MALRD1: variants seen among roughly 807,000 people sequenced by gnomAD.
MALRD1 encodes MAM and LDL receptor class A domain containing 1.
MALRD1 carries 247 observed loss-of-function variants against 242.1 expected under a neutral mutation model. That is an observed-to-expected ratio of 1.02 (90% CI 0.92 to 1.13). The LOEUF (loss-of-function observed/expected upper bound fraction) is 1.13, where lower values mean the gene tolerates loss of function less well. Ranked by LOEUF, MALRD1 falls within the 50% of genes most tolerant of loss-of-function variation. The pLI is 0.00. For synonymous variants in MALRD1, 995 were observed against 866.6 expected, an observed-to-expected ratio of 1.15 and a Z score of -2.60; for missense variants, 2,989 against 2,533.1, an observed-to-expected ratio of 1.18 and a Z score of -3.86.
chr10:19,698,006 T>C (rs768466265), intron 38 of MALRD1, among the ~76,000 whole-genome samples: 2 of 152,192 alleles, frequency 1.3e-5, no homozygotes, highest in Admixed American at 6.5e-5. Flanking sequence ...TTAAGTGACA[T>C]CTAGATGTAA....
intron 28 of MALRD1, among the ~76,000 whole-genome samples, chr10:19,393,664 G>C (rs1240279132): frequency 6.8e-6 from 1 of 148,038 alleles, no homozygotes; most frequent in Non-Finnish European, 1.5e-5. Context: ...CACCATGTTA[G>C]CCAGGATGGT....
At position 19,117,446 on chromosome 10, in the gene MALRD1, G is replaced by GTT. The variant is rs57094687; in HGVS notation, c.695-6036_695-6035dup. 3.3e-4 allele frequency among the ~76,000 whole-genome samples: 47 copies of GTT among 144,192 alleles called. No homozygotes were observed. In the East Asian group the frequency reaches 4.0e-3, roughly 12 times the overall value. 94.6% of individuals were successfully genotyped at this position (144,192 alleles called of 152,430 possible). A position where few individuals can be genotyped will look rare whatever the true frequency, so the allele number is the denominator to read the frequency against. On this transcript the variant is annotated intron_variant, in intron 5 of 39. Transcript: ENST00000454679. ...CTATTTTTGTTTATAGTACTTCTGG[G>GTT]TTTTTTTTTTTGTCTTGTGTAAATA...
chr10:19,477,904 C>G (rs1453398595), intron 29 of MALRD1, among the ~76,000 whole-genome samples: 3 of 152,164 alleles, frequency 2.0e-5, no homozygotes, highest in Non-Finnish European at 4.4e-5. Flanking sequence ...ACATGGTTGA[C>G]AAAAGGGAAG....
At chr10:19,390,133 A>C (rs1310892132) in intron 28 of MALRD1, among the ~76,000 whole-genome samples, 1 of 152,228 alleles carries the variant, frequency 6.6e-6, no homozygotes, top group Non-Finnish European at 1.5e-5. Context: ...ACTGAATCCC[A>C]GAGACTCATT....
intron 38 of MALRD1, among the ~76,000 whole-genome samples, chr10:19,709,937 A>G (rs1221618425): frequency 6.6e-6 from 1 of 152,182 alleles, no homozygotes; most frequent in African/African-American, 2.4e-5. Flanking sequence ...TGCGTCTTGC[A>G]TCTTCCCTAA....
At chr10:19,666,599 T>G (rs1841694499) in intron 36 of MALRD1, among the ~76,000 whole-genome samples, 1 of 152,204 alleles carries the variant, frequency 6.6e-6, no homozygotes, top group Non-Finnish European at 1.5e-5. Flanking sequence ...CTTGGGAATA[T>G]TGCCAATTTC....
chr10:19,145,845 G>T (rs1375750728), intron 10 of MALRD1, among the ~76,000 whole-genome samples: 1 of 151,862 alleles, frequency 6.6e-6, no homozygotes, highest in Non-Finnish European at 1.5e-5. Context: ...CTTCCCAGTG[G>T]ATTTTTTTCA....
At position 19,245,198 on chromosome 10, in the gene MALRD1, A is replaced by G. The variant is rs376787638; in HGVS notation, c.2992-12486A>G. Among the ~76,000 whole-genome samples the G allele has an allele frequency of 5.3e-4, 81 of 152,318 alleles. 2 individuals are homozygous for G. Among genetic ancestry groups the G allele is most frequent in the African/African-American group, 1.9e-3 (80 of 41,572 alleles). On this transcript the variant is annotated intron_variant, in intron 18 of 39. Coordinates refer to ENST00000454679, the MANE Select transcript of MALRD1 (RefSeq NM_001142308.3). ...TGAGCTTATGCACTGAGAGTTCACA[A>G]TGAGATGCAGCATTATTTTTAACTA...
intron 2 of MALRD1, among the ~76,000 whole-genome samples, chr10:19,070,573 A>G (rs1453803729): frequency 6.6e-6 from 1 of 152,018 alleles, no homozygotes; most frequent in Non-Finnish European, 1.5e-5. Context: ...CTTTTCATCC[A>G]TTTTAAGAAT....
chr10:19,225,878 A>G (rs565531736), intron 18 of MALRD1, among the ~76,000 whole-genome samples: 1 of 152,274 alleles, frequency 6.6e-6, no homozygotes, highest in Non-Finnish European at 1.5e-5. Flanking sequence ...ATGTGATTAT[A>G]TTTGAAAATT....
At chr10:19,514,920 T>C (rs1271972197) in intron 31 of MALRD1, among the ~76,000 whole-genome samples, 1 of 152,146 alleles carries the variant, frequency 6.6e-6, no homozygotes, top group Non-Finnish European at 1.5e-5. Context: ...ATGCTTATTT[T>C]TTTGGAAGAC....
At chr10:19,219,310 A>C (rs1233694310) in intron 18 of MALRD1, among the ~76,000 whole-genome samples, 1 of 152,228 alleles carries the variant, frequency 6.6e-6, no homozygotes, top group Non-Finnish European at 1.5e-5. Context: ...ATACTAATGC[A>C]ATAATATACC....
chr10:19,062,626 T>C (rs12258153), intron 1 of MALRD1, among the ~76,000 whole-genome samples: 3,448 of 152,264 alleles, frequency 0.023, 119 homozygotes, highest in African/African-American at 0.079. Flanking sequence ...GCAACTCACA[T>C]ACACACAGAA....
intron 36 of MALRD1, among the ~76,000 whole-genome samples, chr10:19,624,855 A>G (rs2182591): frequency 0.11 from 16,665 of 146,508 alleles, 2,522 homozygotes; most frequent in African/African-American, 0.35. Flanking sequence ...CCTGGGTGAC[A>G]GAGGGAGACT....
chr10:19,268,938 G>T (rs547175974), intron 19 of MALRD1, among the ~76,000 whole-genome samples: 18 of 152,126 alleles, frequency 1.2e-4, no homozygotes, highest in African/African-American at 4.3e-4. Context: ...CAGGTAGTTT[G>T]GTTCCCCTGT....
chr10:19,077,633 A>G (rs999438530), intron 2 of MALRD1, among the ~76,000 whole-genome samples: 5 of 151,910 alleles, frequency 3.3e-5, no homozygotes, highest in Non-Finnish European at 5.9e-5. Flanking sequence ...GCTTGTTTTT[A>G]CAGTAGACTC....
intron 1 of MALRD1, among the ~76,000 whole-genome samples, chr10:19,061,375 G>A (rs1415375135): frequency 3.9e-5 from 6 of 152,130 alleles, no homozygotes; most frequent in African/African-American, 1.4e-4. Context: ...TACAGATTCA[G>A]TGCAATCTCA....
At chr10:19,229,262 A>G (rs1021007802) in intron 18 of MALRD1, among the ~76,000 whole-genome samples, 3 of 152,170 alleles carry the variant, frequency 2.0e-5, no homozygotes, top group Non-Finnish European at 4.4e-5. Context: ...GAAGTTAAAT[A>G]TTTCTAGAGG....
At chr10:19,535,127 GC>G (rs1834605937) in intron 32 of MALRD1, among the ~76,000 whole-genome samples, 3 of 151,888 alleles carry the variant, frequency 2.0e-5, no homozygotes, top group Admixed American at 6.6e-5. Flanking sequence ...CTAGTGATTC[GC>G]CCACCTAGGC....
Sources: gnomAD v4.1 joint callset for allele counts (sites outside exome capture counted in the v4.1 genomes callset) on GRCh38, gnomAD v4.1.1 for gene constraint, MANE v1.5 for transcripts, NCBI Gene and HGNC (gene_info 2026-07-23, HGNC 2026-07-21) for gene names.